Variants in ST8SIA5 observed in about 807,000 individuals in gnomAD.
ST8SIA5 encodes the protein ST8 alpha-N-acetyl-neuraminide alpha-2,8-sialyltransferase 5, also known as alpha-2,8-sialyltransferase 8E.
A neutral mutation model predicts 40.2 loss-of-function variants in ST8SIA5; 24 were observed. That is an observed-to-expected ratio of 0.60 (90% CI 0.43 to 0.84). The LOEUF (loss-of-function observed/expected upper bound fraction) is 0.84, where lower values mean the gene tolerates loss of function less well. Among genes scored for constraint, ST8SIA5 ranks in the 40% least tolerant of loss-of-function variants. ST8SIA5 has a pLI of 0.00. For missense variants in ST8SIA5, 465 were observed against 498.5 expected (o/e 0.93, Z 0.64); for synonymous variants, 198 against 201.8 (o/e 0.98, Z 0.16).
intron 1 of ST8SIA5, among the ~76,000 whole-genome samples, chr18:46,735,580 AAT>A (rs1257547014): frequency 6.6e-6 from 1 of 152,160 alleles, no homozygotes; most frequent in Non-Finnish European, 1.5e-5. Flanking sequence ...TATCAATGTG[AAT>A]TTCCTGGTTC....
At chr18:46,704,811 T>A in intron 1 of ST8SIA5, 147 bp from the exon 2 acceptor site, 1 of 690,886 alleles carries the variant, frequency 1.4e-6, no homozygotes, top group Non-Finnish European at 2.5e-6. Flanking sequence ...CATTAGGGGC[T>A]TCAGGCAGAC....
intron 2 of ST8SIA5, among the ~76,000 whole-genome samples, chr18:46,697,521 A>G (rs2039568355): frequency 6.6e-6 from 1 of 152,212 alleles, no homozygotes; most frequent in South Asian, 2.1e-4. Context: ...GCAATGTAAC[A>G]AGATCCCATC....
chr18:46,748,519 G>A (rs771047133), intron 1 of ST8SIA5, among the ~76,000 whole-genome samples: 6 of 126,092 alleles, frequency 4.8e-5, no homozygotes, highest in Non-Finnish European at 9.3e-5. Flanking sequence ...AGCTGAGATC[G>A]CACCATTGCA....
At chr18:46,728,214 A>G (rs1001224191) in intron 1 of ST8SIA5, among the ~76,000 whole-genome samples, 9 of 151,756 alleles carry the variant, frequency 5.9e-5, no homozygotes, top group Admixed American at 2.0e-4. Flanking sequence ...AAAAAACTAT[A>G]GAGTATTATA....
chr18:46,706,210 T>C (rs1343786742), intron 1 of ST8SIA5, among the ~76,000 whole-genome samples: 1 of 152,160 alleles, frequency 6.6e-6, no homozygotes, highest in Non-Finnish European at 1.5e-5. Context: ...AACAAATTGG[T>C]CCCTATTTAC....
At chr18:46,710,363 T>TTTTCTTTCTTTCTTTC (rs71162817) in intron 1 of ST8SIA5, among the ~76,000 whole-genome samples, 1,226 of 114,446 alleles carry the variant, frequency 0.011, 17 homozygotes, top group Middle Eastern at 0.036. Context: ...TCCTTCTTTC[T>TTTTCTTTCTTTCTTTC]TTTCTTTCTT....
intron 1 of ST8SIA5, among the ~76,000 whole-genome samples, chr18:46,716,471 G>A (rs2039792746): frequency 2.0e-5 from 3 of 152,206 alleles, no homozygotes; most frequent in Admixed American, 2.0e-4. Context: ...CCCACCCACA[G>A]GCAGCCTGGG....
At chr18:46,712,534 C>T (rs2039743558) in intron 1 of ST8SIA5, among the ~76,000 whole-genome samples, 1 of 152,216 alleles carries the variant, frequency 6.6e-6, no homozygotes, top group Non-Finnish European at 1.5e-5. Context: ...CACTGGCTCC[C>T]TTCGTGGCCC....
At chr18:46,708,002 C>T (rs910533106) in intron 1 of ST8SIA5, among the ~76,000 whole-genome samples, 3 of 152,196 alleles carry the variant, frequency 2.0e-5, no homozygotes, top group Non-Finnish European at 4.4e-5. Flanking sequence ...CTTTTCTGCT[C>T]CTTTGTTTTC....
intron 2 of ST8SIA5, among the ~76,000 whole-genome samples, chr18:46,701,696 A>G (rs1264951356): frequency 6.6e-6 from 1 of 152,208 alleles, no homozygotes; most frequent in African/African-American, 2.4e-5. Context: ...GTACCTTGTT[A>G]CAGCAAACTG....
At chr18:46,706,139 AC>A (rs1210279285) in intron 1 of ST8SIA5, among the ~76,000 whole-genome samples, 5 of 151,952 alleles carry the variant, frequency 3.3e-5, no homozygotes, top group Non-Finnish European at 7.4e-5. Flanking sequence ...AGTTTTAAGT[AC>A]TATAATTACA....
rs969653429 is a variant in ST8SIA5 at position 46,671,475 on chromosome 18, C to A, written c.*8567G>T. 5.9e-5 allele frequency: 9 copies of A among 152,348 alleles called. No individual in the cohort carries two copies. The highest frequency in any genetic ancestry group is 2.2e-4 in the African/African-American group (9 of 41,430). The allele number at this position is 152,348 out of a possible 1,614,324, so 9.4% of individuals were successfully genotyped here. A position where few individuals can be genotyped will look rare whatever the true frequency, so the allele number is the denominator to read the frequency against. On this transcript the variant is annotated 3_prime_UTR_variant, in exon 7 of 7. Transcript: ENST00000315087. ...AGAGGGCTGGGTCTGCATCAGAAAA[C>A]CAGGCTTTCCCCCAGGTGGACCAGA...
At chr18:46,736,430 C>T (rs936902934) in intron 1 of ST8SIA5, among the ~76,000 whole-genome samples, 1 of 152,122 alleles carries the variant, frequency 6.6e-6, no homozygotes, top group African/African-American at 2.4e-5. Context: ...GGTAGGGGCA[C>T]ATAGATGTGG....
intron 1 of ST8SIA5, among the ~76,000 whole-genome samples, chr18:46,737,579 A>G (rs1402410848): frequency 6.6e-6 from 1 of 152,330 alleles, no homozygotes; most frequent in East Asian, 1.9e-4. Context: ...TTAGAGATGA[A>G]TAAAGCATCT....
At chr18:46,703,109 T>C (rs913313071) in intron 2 of ST8SIA5, among the ~76,000 whole-genome samples, 7 of 152,244 alleles carry the variant, frequency 4.6e-5, no homozygotes, top group African/African-American at 1.7e-4. Context: ...CTACTGAGCA[T>C]GAAGGCTGCT....
At chr18:46,722,689 C>T (rs926664923) in intron 1 of ST8SIA5, among the ~76,000 whole-genome samples, 2 of 152,174 alleles carry the variant, frequency 1.3e-5, no homozygotes, top group Non-Finnish European at 2.9e-5. Flanking sequence ...TGCTCTCTAC[C>T]ACCAGATGCC....
At chr18:46,742,938 T>C (rs1163061683) in intron 1 of ST8SIA5, among the ~76,000 whole-genome samples, 2 of 152,114 alleles carry the variant, frequency 1.3e-5, no homozygotes, top group South Asian at 2.1e-4. Context: ...GGGTCTGGAG[T>C]GGACCTCCAG....
intron 2 of ST8SIA5, among the ~76,000 whole-genome samples, chr18:46,702,818 G>T (rs4890683): frequency 0.26 from 39,975 of 152,238 alleles, 6,291 homozygotes; most frequent in Middle Eastern, 0.43. Context: ...CACCACAGTG[G>T]TATGTGTTCA....
intron 1 of ST8SIA5, among the ~76,000 whole-genome samples, chr18:46,735,493 T>C (rs1466974753): frequency 6.6e-6 from 1 of 152,218 alleles, no homozygotes; most frequent in Non-Finnish European, 1.5e-5. Context: ...ATTCATGTAA[T>C]AAAATTGCTT....
Sources: allele counts gnomAD v4.1 joint callset (sites outside exome capture counted in the v4.1 genomes callset), GRCh38; gene constraint gnomAD v4.1.1; transcripts MANE v1.5; gene names NCBI Gene and HGNC (gene_info 2026-07-23, HGNC 2026-07-21).